TARDBP: variants seen among roughly 807,000 people sequenced by gnomAD.
TARDBP encodes TAR DNA binding protein, also known as TAR DNA-binding protein 43.
In TARDBP, 4 loss-of-function variants were observed where a neutral mutation model predicts 38.3. The ratio of observed to expected loss-of-function variants is 0.10; its 90% CI spans 0.05 to 0.24. The LOEUF (loss-of-function observed/expected upper bound fraction) is 0.24. TARDBP is among the 10% of genes least tolerant of loss of function. TARDBP has a pLI of 1.00. For synonymous variants in TARDBP, 184 were observed against 183.8 expected, an observed-to-expected ratio of 1.00 and a Z score of -0.01; for missense variants, 202 against 521.9, an observed-to-expected ratio of 0.39 and a Z score of 5.97.
chr1:11,018,924 A>G (rs368471780), intron 4 of TARDBP, 51 bp downstream of exon 4: 15 of 1,611,356 alleles, frequency 9.3e-6, no homozygotes, highest in Non-Finnish European at 1.3e-5. Context: ...TCCTTAGAGG[A>G]TTGTAAGATA....
chr1:11,017,494 C>T (rs896773059), intron 3 of TARDBP, among the ~76,000 whole-genome samples: 4 of 152,134 alleles, frequency 2.6e-5, no homozygotes, highest in Admixed American at 2.0e-4. Flanking sequence ...AGCCACCGCG[C>T]CCGGCCACAT....
At chr1:11,030,354 G>A, downstream of TARDBP, 1 of 756,934 alleles carries the variant, frequency 1.3e-6, no homozygotes, top group Non-Finnish European at 2.2e-6. Context: ...GCATCAGTGG[G>A]ACATAGAGGT....
At chr1:11,028,694 TG>T (rs1271284316), downstream of TARDBP, among the ~76,000 whole-genome samples, 136 of 123,938 alleles carry the variant, frequency 1.1e-3, no homozygotes, top group African/African-American at 4.2e-3. Context: ...ACTATCTTTC[TG>T]GGTTTTTTTT....
rs933288066 is a variant in TARDBP, at chr1:11,012,690, G to A, written c.-66G>A. ...GCGAAGCGGTGGCTGGGCTGCGCTT[G>A]GGTCCGTCGCTGCTTCGGTGTCCCT... is the stretch of plus-strand genomic sequence containing the variant. On this transcript the variant is annotated 5_prime_UTR_variant, in exon 1 of 6. Coordinates refer to ENST00000240185, the MANE Select transcript of TARDBP (RefSeq NM_007375.4). 3.3e-5 allele frequency: 5 copies of A among 152,284 alleles called. No homozygotes were observed. Among genetic ancestry groups the A allele is most frequent in the African/African-American group, 1.2e-4 (5 of 41,472 alleles). 9.4% of individuals were successfully genotyped at this position (152,284 alleles called of 1,614,324 possible). A position where few individuals can be genotyped will look rare whatever the true frequency, so the allele number is the denominator to read the frequency against.
At chr1:11,019,214 C>G in intron 4 of TARDBP, 1 of 316,572 alleles carries the variant, frequency 3.2e-6, no homozygotes, top group Admixed American at 4.8e-5. Context: ...TTATAAAGAC[C>G]TAACTTTTTC....
Position 11,018,738 on chromosome 1 carries a change from G to T in TARDBP, c.408G>T (p.Lys136Asn). The change falls in exon 4 of 6, where the codon AAG becomes AAT. Residue 136 changes from lysine to asparagine, a missense_variant. Coordinates refer to ENST00000240185, the MANE Select transcript of TARDBP (RefSeq NM_007375.4). The stretch of plus-strand genomic sequence containing the variant: ...ACTTGTATCATCCTTTCTAGGTCAA[G>T]AAAGATCTTAAGACTGGTCATTCAA... ...TFGEVLMVQV[K>N]KDLKTGHSKG... is the part of the protein sequence containing the mutation. The T allele has an allele frequency of 6.2e-7, 1 of 1,614,176 alleles. No individual in the cohort carries two copies. The highest frequency in any genetic ancestry group is 8.5e-7 in the Non-Finnish European group (1 of 1,180,030).
chr1:11,015,170 T>C (rs1204914947), intron 2 of TARDBP, among the ~76,000 whole-genome samples: 1 of 151,268 alleles, frequency 6.6e-6, no homozygotes, highest in Non-Finnish European at 1.5e-5. Flanking sequence ...AGCCAGTGGG[T>C]ATAGATTAAT....
chr1:11,013,365 A>G (rs912169968), intron 1 of TARDBP, among the ~76,000 whole-genome samples: 4 of 152,212 alleles, frequency 2.6e-5, no homozygotes, highest in African/African-American at 9.6e-5. Flanking sequence ...AGGATTACTT[A>G]ACGACTAACC....
Position 11,022,991 on chromosome 1 carries a change from C to G in TARDBP, c.*337C>G. The G allele has an allele frequency of 7.2e-7, 1 of 1,397,004 alleles. No individual in the cohort carries two copies. The highest frequency in any genetic ancestry group is 2.6e-5 in the East Asian group (1 of 38,086). 86.5% of individuals were successfully genotyped at this position (1,397,004 alleles called of 1,614,324 possible). On this transcript the variant is annotated 3_prime_UTR_variant, in exon 6 of 6. Transcript: ENST00000240185. This position sits in a 1 kb window ranked among gnomAD's most constrained non-coding sequence, Gnocchi z 4.5. ...TTGTCAAGTGAATTCTTTGCATGTT[C>G]AAAACGGAAACCATTGATTAGAACT...
At position 11,022,255 on chromosome 1, in the gene TARDBP, C is replaced by T. The variant is rs1376081178; in HGVS notation, c.846C>T (p.Gly282=). 1 of 1,613,850 alleles carries T rather than the reference C, an allele frequency of 6.2e-7. No homozygotes were observed. Among genetic ancestry groups the T allele is most frequent in the South Asian group, 1.1e-5 (1 of 91,078 alleles). Residue 282 remains glycine (G), a synonymous_variant, in exon 6 of 6, where the codon GGC becomes GGT. Transcript: ENST00000240185. The surrounding 1 kb of genome is among the most constrained non-coding windows in gnomAD (Gnocchi z 4.5). ...RSGRFGGNPG[G]FGNQGGFGNS... ...GAAGATTTGGTGGTAATCCAGGTGG[C>T]TTTGGGAATCAGGGTGGATTTGGTA...
At chr1:11,021,894 G>C (rs951582162) in intron 5 of TARDBP, among the ~76,000 whole-genome samples, 2 of 152,224 alleles carry the variant, frequency 1.3e-5, no homozygotes, top group East Asian at 1.9e-4. Context: ...TAGGATTACA[G>C]GCATGAGCCA....
chr1:11,030,205 C>T (rs776506794), downstream of TARDBP: 31 of 1,613,174 alleles, frequency 1.9e-5, no homozygotes, highest in Non-Finnish European at 2.5e-5. Flanking sequence ...TGATTTTTCT[C>T]CTTTGGAGCT....
intron 3 of TARDBP, 104 bp from the exon 4 acceptor site, chr1:11,018,629 C>A: frequency 6.5e-7 from 1 of 1,529,238 alleles, no homozygotes; most frequent in South Asian, 1.1e-5. Flanking sequence ...TAAGCCACTG[C>A]ATCCAGTTGA....
In TARDBP at chr1:11,022,679, A is replaced by G; in HGVS notation, c.*25A>G. ...GACAGTGGGGTTGTGGTTGGTTGGT[A>G]TAGAATGGTGGGAATTCAAATTTTT... On this transcript the variant is annotated 3_prime_UTR_variant, in exon 6 of 6. Transcript: ENST00000240185. This position sits in a 1 kb window ranked among gnomAD's most constrained non-coding sequence, Gnocchi z 4.5. The G allele has an allele frequency of 6.2e-7, 1 of 1,601,486 alleles. No homozygotes were observed. Among genetic ancestry groups the G allele is most frequent in the Non-Finnish European group, 8.5e-7 (1 of 1,174,242 alleles).
rs1643702457 is a variant in TARDBP at position 11,024,872 on chromosome 1, T to C, written c.*2218T>C. On this transcript the variant is annotated 3_prime_UTR_variant, in exon 6 of 6. Coordinates refer to ENST00000240185, the MANE Select transcript of TARDBP (RefSeq NM_007375.4). ...TTTCTAGTTGGAAGAATGTGATATT[T>C]GTTGTGTTGGTAGTTTACCTAATGC... is the stretch of plus-strand genomic sequence containing the variant. The C allele has an allele frequency of 6.6e-6, 1 of 152,652 alleles. No homozygotes were observed. The highest frequency in any genetic ancestry group is 2.4e-5 in the African/African-American group (1 of 41,448). The allele number at this position is 152,652 out of a possible 1,614,324, so 9.5% of individuals were successfully genotyped here.
At chr1:11,019,254 G>T in intron 4 of TARDBP, 1 of 311,640 alleles carries the variant, frequency 3.2e-6, no homozygotes, top group Non-Finnish European at 6.2e-6. Flanking sequence ...GGCTTATTTG[G>T]AACATCATCA....
chr1:11,023,364 T>C lies in TARDBP; in HGVS notation c.*710T>C. 8.7e-7 allele frequency: 1 copy of C among 1,143,254 alleles called. No individual in the cohort carries two copies. The highest frequency in any genetic ancestry group is 1.3e-6 in the Non-Finnish European group (1 of 785,844). 70.8% of individuals were successfully genotyped at this position (1,143,254 alleles called of 1,614,324 possible). ...CCATTTTTATCCGCTACTCTTTATT[T>C]CATGGAGTCGTATCAACGCTATGAA... On this transcript the variant is annotated 3_prime_UTR_variant, in exon 6 of 6. Transcript: ENST00000240185.
chr1:11,030,051 A>T, downstream of TARDBP: 2 of 649,852 alleles, frequency 3.1e-6, no homozygotes, highest in Non-Finnish European at 5.3e-6. Context: ...TGGAAATAAT[A>T]ACAGCCTAAG....
At chr1:11,018,323 G>A in intron 3 of TARDBP, 1 of 179,468 alleles carries the variant, frequency 5.6e-6, no homozygotes, top group Non-Finnish European at 1.2e-5. Context: ...CAAGTAGCTG[G>A]GACTACAGGT....
Sources: allele counts gnomAD v4.1 joint callset (sites outside exome capture counted in the v4.1 genomes callset), GRCh38; gene constraint gnomAD v4.1.1; non-coding constraint Gnocchi (gnomAD v3.1); transcripts MANE v1.5; gene names NCBI Gene and HGNC (gene_info 2026-07-23, HGNC 2026-07-21).